Variants in PEX26 observed in about 807,000 individuals in gnomAD.
PEX26 encodes the protein peroxisome assembly protein 26.
A neutral mutation model predicts 31.4 loss-of-function variants in PEX26; 18 were observed. The observed-to-expected ratio is 0.57, with a 90% CI of 0.40 to 0.85. The LOEUF is 0.85. Among genes scored for constraint, PEX26 ranks in the 40% least tolerant of loss-of-function variants. PEX26 has a pLI of 0.00. For synonymous variants in PEX26, 176 were observed against 166.9 expected (o/e 1.05, Z -0.42); for missense variants, 377 against 383.9 (o/e 0.98, Z 0.15).
Position 18,101,211 on chromosome 22 carries a change from G to A in PEX26, c.*13136G>A, listed in dbSNP as rs1042048802. On this transcript the variant is annotated 3_prime_UTR_variant, in exon 5 of 5. Coordinates refer to ENST00000399744, the MANE Select transcript of PEX26 (RefSeq NM_001127649.3). ...ACCCAAAGATTCAAATATAGAACTA[G>A]GAATTGATTTTCACATGTAGTTTTT... The A allele has an allele frequency of 2.6e-5, 4 of 152,118 alleles. No homozygotes were observed. Among genetic ancestry groups the A allele is most frequent in the Non-Finnish European group, 5.9e-5 (4 of 68,034 alleles). The allele number at this position is 152,118 out of a possible 1,614,324, so 9.4% of individuals were successfully genotyped here. A position where few individuals can be genotyped will look rare whatever the true frequency, so the allele number is the denominator to read the frequency against.
chr22:18,078,764 C>CCATTCTACAGAGAAGGGAAGT, intron 1 of PEX26, 158 bp downstream of exon 1: 1 of 749,458 alleles, frequency 1.3e-6, no homozygotes, highest in Non-Finnish European at 2.3e-6. Context: ...CATCGTGTGC[C>CCATTCTACAGAGAAGGGAAGT]CATTCTACAG....
intron 1 of PEX26, 123 bp downstream of exon 1, chr22:18,078,729 GT>G: frequency 1.1e-6 from 1 of 901,254 alleles, no homozygotes; most frequent in Non-Finnish European, 1.8e-6. Flanking sequence ...TTCATCAGTG[GT>G]TTGTCTCCGA....
rs1002987735 is a variant in PEX26 at position 18,099,504 on chromosome 22, G to A, written c.*11429G>A. Reference sequence around the variant, plus strand: ...TTCCCTTCAATATACATTCATATGTGCTTATTTTAAGCATATATCTACCAA... The same window carrying A: ...TTCCCTTCAATATACATTCATATGTACTTATTTTAAGCATATATCTACCAA... On this transcript the variant is annotated 3_prime_UTR_variant, in exon 5 of 5. Coordinates refer to ENST00000399744, the MANE Select transcript of PEX26 (RefSeq NM_001127649.3). 2 of 152,074 alleles carry A rather than the reference G, an allele frequency of 1.3e-5. No homozygotes were observed. The highest frequency in any genetic ancestry group is 2.9e-5 in the Non-Finnish European group (2 of 68,004). 9.4% of individuals were successfully genotyped at this position (152,074 alleles called of 1,614,324 possible).
chr22:18,084,739 T>TTTA (rs1926767607), intron 3 of PEX26, among the ~76,000 whole-genome samples: 1 of 151,474 alleles, frequency 6.6e-6, no homozygotes, highest in African/African-American at 2.4e-5. Context: ...TTTTTTTTTT[T>TTTA]GAGACGGAGT....
Position 18,088,161 on chromosome 22 carries a change from C to T in PEX26, c.*86C>T. On this transcript the variant is annotated 3_prime_UTR_variant, in exon 5 of 5. Transcript: ENST00000399744. This position sits in a 1 kb window ranked among gnomAD's most constrained non-coding sequence, Gnocchi z 4.1. ...CAGAGCGACACATCCACAGGCGCCCCTGGGGAAATGGGACCAGCCTAATCT... is the reference window on the plus strand; with the variant it reads ...CAGAGCGACACATCCACAGGCGCCCTTGGGGAAATGGGACCAGCCTAATCT... 2 of 931,190 alleles carry T rather than the reference C, an allele frequency of 2.1e-6. No individual in the cohort carries two copies. Among genetic ancestry groups the T allele is most frequent in the East Asian group, 2.4e-5 (1 of 41,894 alleles). The allele number at this position is 931,190 out of a possible 1,614,324, so 57.7% of individuals were successfully genotyped here.
intron 2 of PEX26, among the ~76,000 whole-genome samples, chr22:18,082,701 C>T (rs758377866): frequency 6.6e-6 from 1 of 152,176 alleles, no homozygotes; most frequent in Non-Finnish European, 1.5e-5. Context: ...TTTGTGGTTC[C>T]ATACGAATTT....
Position 18,096,941 on chromosome 22 carries a change from G to C in PEX26, c.*8866G>C, listed in dbSNP as rs1385996537. On this transcript the variant is annotated 3_prime_UTR_variant, in exon 5 of 5. Coordinates refer to ENST00000399744, the MANE Select transcript of PEX26 (RefSeq NM_001127649.3). Reference sequence around the variant, plus strand: ...AACTGACTCACAGTTCTGCATGGCTGTGAGGCCTCAGGAAACAAGCAGTCA... The same window carrying C: ...AACTGACTCACAGTTCTGCATGGCTCTGAGGCCTCAGGAAACAAGCAGTCA... The C allele has an allele frequency of 6.6e-6, 1 of 152,270 alleles. No homozygotes were observed. The highest frequency in any genetic ancestry group is 3.2e-3 in the Middle Eastern group (1 of 316). 9.4% of individuals were successfully genotyped at this position (152,270 alleles called of 1,614,324 possible).
rs1345875630 is a variant in PEX26 at position 18,096,020 on chromosome 22, A to G, written c.*7945A>G. The G allele has an allele frequency of 6.6e-6, 1 of 152,166 alleles. No homozygotes were observed. Among genetic ancestry groups the G allele is most frequent in the African/African-American group, 2.4e-5 (1 of 41,424 alleles). 9.4% of individuals were successfully genotyped at this position (152,166 alleles called of 1,614,324 possible). On this transcript the variant is annotated 3_prime_UTR_variant, in exon 5 of 5. Transcript: ENST00000399744. ...GAATTTTTAGTAGAGACGGGGTTTT[A>G]CCATGTTGGCCAGGCTGGTCTTGAA... is the stretch of plus-strand genomic sequence containing the variant.
rs1308370902 is a variant in PEX26, at chr22:18,093,724, A to G, written c.*5649A>G. Reference sequence around the variant, plus strand: ...TATCTAGCAACATTGCAGTATGAAGAAAAGAGATGCCCCGGGTACGACCCC... The same window carrying G: ...TATCTAGCAACATTGCAGTATGAAGGAAAGAGATGCCCCGGGTACGACCCC... On this transcript the variant is annotated 3_prime_UTR_variant, in exon 5 of 5. Transcript: ENST00000399744. The G allele has an allele frequency of 6.6e-6, 1 of 152,214 alleles. No homozygotes were observed. The highest frequency in any genetic ancestry group is 1.9e-4 in the East Asian group (1 of 5,198). The allele number at this position is 152,214 out of a possible 1,614,324, so 9.4% of individuals were successfully genotyped here.
chr22:18,078,764 C>G (rs1926419314), intron 1 of PEX26, 158 bp downstream of exon 1: 3 of 749,458 alleles, frequency 4.0e-6, no homozygotes, highest in African/African-American at 1.7e-5. Context: ...CATCGTGTGC[C>G]CATTCTACAG....
intron 1 of PEX26, chr22:18,078,846 C>A: frequency 2.9e-6 from 2 of 688,750 alleles, no homozygotes; most frequent in East Asian, 2.7e-5. Flanking sequence ...TTCCAAGGTA[C>A]AATGACATGA....
intron 4 of PEX26, among the ~76,000 whole-genome samples, chr22:18,087,175 A>T (rs2123660647): frequency 6.6e-6 from 1 of 152,268 alleles, no homozygotes; most frequent in East Asian, 1.9e-4. Context: ...CCTGGGTTCA[A>T]GCGATTCTCC....
chr22:18,094,758 C>CT lies in PEX26; in HGVS notation c.*6692dup, dbSNP rs781155287. On this transcript the variant is annotated 3_prime_UTR_variant, in exon 5 of 5. Transcript: ENST00000399744. ...TAGCTAGTTTCTTATTTTCCTTTGG[C>CT]TTTTTTTTTCTTTTCTTTTCTTTTC... The CT allele has an allele frequency of 4.5e-5, 5 of 112,042 alleles. No individual in the cohort carries two copies. Among genetic ancestry groups the CT allele is most frequent in the South Asian group, 3.0e-4 (1 of 3,368 alleles). 6.9% of individuals were successfully genotyped at this position (112,042 alleles called of 1,614,324 possible). A position where few individuals can be genotyped will look rare whatever the true frequency, so the allele number is the denominator to read the frequency against.
rs1927500241 is a variant in PEX26, at chr22:18,103,038, T to TCACACCA, written c.*14964_*14965insACACCAC. On this transcript the variant is annotated 3_prime_UTR_variant, in exon 5 of 5. Transcript: ENST00000399744. ...AGGCAGAGGTGGCAGTGAGCCGAGA[T>TCACACCA]CGTGCGATCGTGCTATTGCACTCCA... 1.4e-5 allele frequency: 2 copies of TCACACCA among 139,502 alleles called. No individual in the cohort carries two copies. Among genetic ancestry groups the TCACACCA allele is most frequent in the African/African-American group, 2.7e-5 (1 of 37,128 alleles). The allele number at this position is 139,502 out of a possible 1,614,324, so 8.6% of individuals were successfully genotyped here. A position where few individuals can be genotyped will look rare whatever the true frequency, so the allele number is the denominator to read the frequency against.
Position 18,078,165 on chromosome 22 carries a change from G to A in PEX26, c.-212G>A. On this transcript the variant is annotated 5_prime_UTR_variant, in exon 1 of 5. Coordinates refer to ENST00000399744, the MANE Select transcript of PEX26 (RefSeq NM_001127649.3). ...TGCAAGAATCCTGCAAATCTGACGT[G>A]TAAACTGCTTCCCCAGCCTCCAGGC... 1 of 695,722 alleles carries A rather than the reference G, an allele frequency of 1.4e-6. No individual in the cohort carries two copies. The highest frequency in any genetic ancestry group is 2.7e-5 in the East Asian group (1 of 36,840). The allele number at this position is 695,722 out of a possible 1,614,324, so 43.1% of individuals were successfully genotyped here.
Position 18,078,296 on chromosome 22 carries a change from G to A in PEX26, c.-81G>A. 2.0e-6 allele frequency: 2 copies of A among 1,019,486 alleles called. No individual in the cohort carries two copies. Among genetic ancestry groups the A allele is most frequent in the South Asian group, 1.4e-5 (1 of 73,766 alleles). The allele number at this position is 1,019,486 out of a possible 1,614,324, so 63.2% of individuals were successfully genotyped here. ...ATGAGGACTCTCCCTCTTCGCCCAG[G>A]CCAACTCGGGATATCCCGGAGCCTC... On this transcript the variant is annotated 5_prime_UTR_variant, in exon 1 of 5. Coordinates refer to ENST00000399744, the MANE Select transcript of PEX26 (RefSeq NM_001127649.3).
rs576271783 is a variant in PEX26, at chr22:18,099,847, A to G, written c.*11772A>G. The G allele has an allele frequency of 2.6e-5, 4 of 152,210 alleles. No homozygotes were observed. The South Asian group carries it at 8.3e-4, about 32-fold the overall frequency. The allele number at this position is 152,210 out of a possible 1,614,324, so 9.4% of individuals were successfully genotyped here. The stretch of plus-strand genomic sequence containing the variant: ...CGCTTGACCTTCTTCGTACCTCTGT[A>G]TCTTCTCTGCCAAGGATGCATGTCA... On this transcript the variant is annotated 3_prime_UTR_variant, in exon 5 of 5. Transcript: ENST00000399744.
chr22:18,087,408 C>T (rs375862569), intron 4 of PEX26, among the ~76,000 whole-genome samples: 19 of 152,230 alleles, frequency 1.2e-4, no homozygotes, highest in South Asian at 1.2e-3. Context: ...CAGAGTTGTC[C>T]TTCTAACCCG....
intron 2 of PEX26, 57 bp downstream of exon 2, chr22:18,080,071 CCT>C: frequency 6.4e-7 from 1 of 1,570,486 alleles, no homozygotes; most frequent in East Asian, 2.2e-5. Flanking sequence ...ATTTTCATCT[CCT>C]CTCCTAAATA....
Sources: allele counts gnomAD v4.1 joint callset (sites outside exome capture counted in the v4.1 genomes callset), GRCh38; gene constraint gnomAD v4.1.1; non-coding constraint Gnocchi (gnomAD v3.1); transcripts MANE v1.5; gene names NCBI Gene and HGNC (gene_info 2026-07-23, HGNC 2026-07-21).